Variants in KCNMB2 observed in about 807,000 individuals in gnomAD.
KCNMB2 encodes the protein calcium-activated potassium channel subunit beta-2.
A neutral mutation model predicts 24.5 loss-of-function variants in KCNMB2; 9 were observed. That is an observed-to-expected ratio of 0.37 (90% CI 0.22 to 0.64). KCNMB2 has a LOEUF of 0.64. KCNMB2 is among the 30% of genes least tolerant of loss of function. The pLI is 0.63. For missense variants in KCNMB2, 226 were observed against 284.3 expected (o/e 0.79, Z 1.47); for synonymous variants, 109 against 104.4 (o/e 1.04, Z -0.27).
At chr3:178,828,517 A>G in intron 4 of KCNMB2, 144 bp downstream of exon 4, 2 of 598,312 alleles carry the variant, frequency 3.3e-6, no homozygotes, top group East Asian at 2.9e-5. Flanking sequence ...AGAACTTGCT[A>G]TGTGACTCTT....
chr3:178,704,002 G>A (rs1009745301), intron 1 of KCNMB2, among the ~76,000 whole-genome samples: 5 of 152,034 alleles, frequency 3.3e-5, no homozygotes, highest in Non-Finnish European at 5.9e-5. Context: ...AAATGCTTTC[G>A]TTTATAGACC....
intron 1 of KCNMB2, among the ~76,000 whole-genome samples, chr3:178,651,440 A>G (rs577414240): frequency 6.6e-6 from 1 of 152,334 alleles, no homozygotes; most frequent in East Asian, 1.9e-4. Flanking sequence ...AAATGGAAAA[A>G]CATTCCATGT....
At chr3:178,669,867 T>C (rs1169741941) in intron 1 of KCNMB2, among the ~76,000 whole-genome samples, 6 of 151,956 alleles carry the variant, frequency 3.9e-5, no homozygotes, top group Non-Finnish European at 8.8e-5. Context: ...GGATCCCCTG[T>C]CCCAACAGTG....
At chr3:178,786,503 C>T (rs1438198791) in intron 1 of KCNMB2, among the ~76,000 whole-genome samples, 3 of 152,070 alleles carry the variant, frequency 2.0e-5, no homozygotes, top group Non-Finnish European at 2.9e-5. Context: ...GCCCAAGATG[C>T]CCAACTCTAG....
At chr3:178,628,242 A>T (rs973595372) in intron 1 of KCNMB2, among the ~76,000 whole-genome samples, 8 of 152,110 alleles carry the variant, frequency 5.3e-5, no homozygotes, top group Non-Finnish European at 1.2e-4. Context: ...CTTCAATGCT[A>T]AAAGGAGGAC....
intron 1 of KCNMB2, among the ~76,000 whole-genome samples, chr3:178,708,106 A>G (rs1722336959): frequency 6.6e-6 from 1 of 152,164 alleles, no homozygotes; most frequent in Non-Finnish European, 1.5e-5. Flanking sequence ...TTTTAAGAGA[A>G]CCATAGTTTC....
intron 4 of KCNMB2, among the ~76,000 whole-genome samples, chr3:178,830,015 C>T (rs1178274997): frequency 1.3e-5 from 2 of 152,270 alleles, no homozygotes; most frequent in Admixed American, 6.5e-5. Context: ...ACAACATTTT[C>T]TGTACCCCAA....
chr3:178,646,473 A>G (rs1719927268), intron 1 of KCNMB2, among the ~76,000 whole-genome samples: 1 of 152,222 alleles, frequency 6.6e-6, no homozygotes. Context: ...TCTCAGGGAC[A>G]AAGGGCATCT....
chr3:178,802,111 G>C (rs543962520), intron 1 of KCNMB2, among the ~76,000 whole-genome samples: 3 of 152,144 alleles, frequency 2.0e-5, no homozygotes, highest in Non-Finnish European at 4.4e-5. Flanking sequence ...CATATATTTG[G>C]CTTCTTCCCC....
At chr3:178,572,546 C>T (rs561989725) in intron 1 of KCNMB2, among the ~76,000 whole-genome samples, 16 of 152,242 alleles carry the variant, frequency 1.1e-4, no homozygotes, top group South Asian at 1.0e-3. Flanking sequence ...TAATCTTCTG[C>T]AAAATTCCAG....
Position 178,662,001 on chromosome 3 carries a change from T to C in KCNMB2, c.-68+125290T>C, listed in dbSNP as rs369354755. On this transcript the variant is annotated intron_variant, in intron 1 of 4. Transcript: ENST00000452583. ...TGAATCAAGGAGACAATAGATGGCA[T>C]TGAAATTTAACTAGAAATTAAACAA... Among the ~76,000 whole-genome samples the C allele has an allele frequency of 2.6e-5, 4 of 152,284 alleles. No individual in the cohort carries two copies. The South Asian group carries it at 6.2e-4, about 24-fold the overall frequency.
Position 178,764,690 on chromosome 3 carries a change from C to A in KCNMB2, c.-67-42653C>A, listed in dbSNP as rs563151012. Among the ~76,000 whole-genome samples the A allele has an allele frequency of 2.0e-5, 3 of 152,260 alleles. No homozygotes were observed. In the East Asian group the frequency reaches 5.8e-4, roughly 29 times the overall value. ...CAACTCATTATTTTGAGTACTAATG[C>A]CCAGTGCAGATCCTGTTAAGACTGG... On this transcript the variant is annotated intron_variant, in intron 1 of 4. Transcript: ENST00000452583.
intron 1 of KCNMB2, among the ~76,000 whole-genome samples, chr3:178,672,096 C>T (rs1720919127): frequency 6.6e-6 from 1 of 152,164 alleles, no homozygotes; most frequent in Non-Finnish European, 1.5e-5. Context: ...AGGACTGTAG[C>T]ACAGGACTGG....
intron 1 of KCNMB2, among the ~76,000 whole-genome samples, chr3:178,743,910 A>C (rs1270131914): frequency 6.6e-6 from 1 of 152,246 alleles, no homozygotes; most frequent in Non-Finnish European, 1.5e-5. Context: ...TTGTTTGAAG[A>C]GAATGTAACA....
At chr3:178,819,952 T>G (rs954623170) in intron 2 of KCNMB2, among the ~76,000 whole-genome samples, 2 of 152,184 alleles carry the variant, frequency 1.3e-5, no homozygotes, top group African/African-American at 4.8e-5. Flanking sequence ...ACAAAGAGAC[T>G]AAGCCTCCTT....
At chr3:178,690,522 A>C (rs1721632917) in intron 1 of KCNMB2, among the ~76,000 whole-genome samples, 1 of 152,122 alleles carries the variant, frequency 6.6e-6, no homozygotes, top group African/African-American at 2.4e-5. Flanking sequence ...AGAGGAGGAG[A>C]ATGAGAAGGA....
rs10677144 is a variant in KCNMB2 at position 178,586,538 on chromosome 3, C to CTTTTTTTTTT, written c.-68+49843_-68+49852dup. 3.4e-4 allele frequency among the ~76,000 whole-genome samples: 23 copies of CTTTTTTTTTT among 68,496 alleles called. 1 individual carries two copies. The highest frequency in any genetic ancestry group is 4.1e-4 in the Non-Finnish European group (16 of 39,226). The allele number at this position is 68,496 out of a possible 152,430, so 44.9% of individuals were successfully genotyped here. ...ATTTTCTTTTCTTTTTTTTTTCTTT[C>CTTTTTTTTTT]TTTTTTTTTTTTTTTTTTTTTTTTT... On this transcript the variant is annotated intron_variant, in intron 1 of 4. Transcript: ENST00000452583.
At chr3:178,671,917 C>T (rs1221297178) in intron 1 of KCNMB2, among the ~76,000 whole-genome samples, 1 of 152,148 alleles carries the variant, frequency 6.6e-6, no homozygotes, top group Non-Finnish European at 1.5e-5. Context: ...GAAACAGGGA[C>T]ACTGCATTTC....
At chr3:178,783,387 T>C (rs1455346926) in intron 1 of KCNMB2, among the ~76,000 whole-genome samples, 3 of 150,616 alleles carry the variant, frequency 2.0e-5, no homozygotes, top group Non-Finnish European at 4.4e-5. Context: ...TTGGGCAGTA[T>C]GGCCATTTTC....
Sources: gnomAD v4.1 joint callset for allele counts (sites outside exome capture counted in the v4.1 genomes callset) on GRCh38, gnomAD v4.1.1 for gene constraint, MANE v1.5 for transcripts, NCBI Gene and HGNC (gene_info 2026-07-23, HGNC 2026-07-21) for gene names.